Variants in CDYL observed in about 807,000 individuals in gnomAD.
CDYL encodes the protein chromodomain Y-like protein.
CDYL carries 8 observed loss-of-function variants against 47.3 expected under a neutral mutation model. The ratio of observed to expected loss-of-function variants is 0.17; its 90% confidence interval spans 0.10 to 0.31. The LOEUF (loss-of-function observed/expected upper bound fraction) is 0.31. CDYL is among the 10% of genes least tolerant of loss of function. The pLI is 1.00. For synonymous variants in CDYL, 266 were observed against 265.0 expected (o/e 1.00, Z -0.04); for missense variants, 471 against 701.4 (o/e 0.67, Z 3.71).
chr6:4,818,394 G>A (rs1253103617), intron 1 of CDYL, among the ~76,000 whole-genome samples: 2 of 152,186 alleles, frequency 1.3e-5, no homozygotes, highest in African/African-American at 4.8e-5. Context: ...TAAGCCTTTT[G>A]AAGGTGTTTG....
chr6:4,896,418 G>A (rs1762285454), intron 2 of CDYL, among the ~76,000 whole-genome samples: 1 of 152,116 alleles, frequency 6.6e-6, no homozygotes, highest in African/African-American at 2.4e-5. Context: ...CCGTGTAGTC[G>A]GTGCTCTGCA....
intron 1 of CDYL, among the ~76,000 whole-genome samples, chr6:4,712,420 C>T (rs567791262): frequency 9.0e-4 from 137 of 152,334 alleles, no homozygotes; most frequent in African/African-American, 2.7e-3. Flanking sequence ...CAGTGGCCAG[C>T]GGAGTGAGAA....
chr6:4,897,174 T>C (rs1027772614), intron 2 of CDYL, among the ~76,000 whole-genome samples: 11 of 152,372 alleles, frequency 7.2e-5, no homozygotes, highest in Middle Eastern at 3.4e-3. Flanking sequence ...ACTTTGTCCT[T>C]TCATGGATTC....
At chr6:4,757,769 G>A (rs557235829) in intron 3 of CDYL, among the ~76,000 whole-genome samples, 2 of 152,188 alleles carry the variant, frequency 1.3e-5, no homozygotes, top group Admixed American at 6.5e-5. Context: ...AGGTGTGGTA[G>A]TTCATGCCTG....
Position 4,776,689 on chromosome 6 carries a change from G to A in CDYL, c.-95G>A. The A allele has an allele frequency of 8.6e-7, 1 of 1,159,932 alleles. No homozygotes were observed. Among genetic ancestry groups the A allele is most frequent in the Non-Finnish European group, 1.1e-6 (1 of 892,312 alleles). The allele number at this position is 1,159,932 out of a possible 1,614,324, so 71.9% of individuals were successfully genotyped here. On this transcript the variant is annotated 5_prime_UTR_variant, in exon 1 of 7. Coordinates refer to ENST00000397588, the MANE Select transcript of CDYL (RefSeq NM_004824.4). ...GCCGGCCGCGGGAGCAGGAAGCGCAGGCCACGCAGGACCCAACTGAAACAA... is the reference window on the plus strand; with the variant it reads ...GCCGGCCGCGGGAGCAGGAAGCGCAAGCCACGCAGGACCCAACTGAAACAA...
chr6:4,852,421 C>G (rs182792820), intron 1 of CDYL, among the ~76,000 whole-genome samples: 1 of 129,096 alleles, frequency 7.7e-6, no homozygotes, highest in African/African-American at 3.1e-5. Context: ...TCCAATCTTC[C>G]TTCCTTCCTC....
At chr6:4,928,603 A>T (rs1034671270) in intron 2 of CDYL, 4 of 151,936 alleles carry the variant, frequency 2.6e-5, no homozygotes, top group African/African-American at 9.7e-5. Context: ...ATTTGTGTCT[A>T]GTCAGGGTTA....
At chr6:4,767,945 C>T (rs1412611123) in intron 3 of CDYL, among the ~76,000 whole-genome samples, 1 of 152,176 alleles carries the variant, frequency 6.6e-6, no homozygotes, top group Non-Finnish European at 1.5e-5. Flanking sequence ...ACCACTTTCT[C>T]TTCATAGAGC....
rs372736124 is a variant in CDYL at position 4,892,232 on chromosome 6, G to T, written c.544G>T (p.Ala182Ser). 18 of 1,614,126 alleles carry T rather than the reference G, an allele frequency of 1.1e-5. No individual in the cohort carries two copies. In the African/African-American group the frequency reaches 2.1e-4, roughly 19 times the overall value. The change falls in exon 2 of 7, where the codon GCA becomes TCA. Residue 182 changes from alanine to serine, a missense_variant. This residue lies in a region of CDYL where 311 missense variants were observed against 350.0 expected (regional missense o/e 0.89). Coordinates refer to ENST00000397588, the MANE Select transcript of CDYL (RefSeq NM_004824.4). ...GGAGGACACAGTGGCACCCGAAGTG[G>T]CAGCGGAAAAGCCGGTCGGAGCTTT... ...GQEDTVAPEV[A>S]AEKPVGALLG...
intron 1 of CDYL, among the ~76,000 whole-genome samples, chr6:4,840,378 T>C (rs962765898): frequency 4.6e-5 from 7 of 152,172 alleles, no homozygotes; most frequent in African/African-American, 1.7e-4. Context: ...TCCTCTTTAC[T>C]GATTTGGATG....
chr6:4,799,065 C>T (rs117646113), intron 1 of CDYL, among the ~76,000 whole-genome samples: 2,056 of 152,288 alleles, frequency 0.014, 112 homozygotes, highest in Admixed American at 0.098. Flanking sequence ...GCATATAGTG[C>T]TGTACATTTA....
At chr6:4,788,386 G>A (rs1758815303) in intron 1 of CDYL, among the ~76,000 whole-genome samples, 1 of 149,932 alleles carries the variant, frequency 6.7e-6, no homozygotes, top group Admixed American at 6.7e-5. Flanking sequence ...GGGAGGCTGA[G>A]GCAGGAGAAT....
chr6:4,946,139 G>A (rs1332215652), intron 5 of CDYL, among the ~76,000 whole-genome samples: 1 of 152,172 alleles, frequency 6.6e-6, no homozygotes, highest in Non-Finnish European at 1.5e-5. Context: ...AGACTGTGCT[G>A]TTGAGGCCCC....
At chr6:4,724,092 G>A (rs1467932815) in intron 2 of CDYL, among the ~76,000 whole-genome samples, 2 of 152,210 alleles carry the variant, frequency 1.3e-5, no homozygotes, top group African/African-American at 4.8e-5. Flanking sequence ...AGGCTCTGGA[G>A]TGCAGGGGCA....
intron 2 of CDYL, among the ~76,000 whole-genome samples, chr6:4,900,338 C>T (rs1001524135): frequency 6.6e-6 from 1 of 152,126 alleles, no homozygotes; most frequent in Non-Finnish European, 1.5e-5. Context: ...AGTTGCAAGA[C>T]CAGTACAAGA....
intron 1 of CDYL, among the ~76,000 whole-genome samples, chr6:4,784,039 G>A (rs1758688655): frequency 6.6e-6 from 1 of 151,946 alleles, no homozygotes; most frequent in Non-Finnish European, 1.5e-5. Flanking sequence ...CCTTGTTTGT[G>A]TTTTGTTTTC....
At chr6:4,925,529 C>T (rs1757845763) in intron 2 of CDYL, among the ~76,000 whole-genome samples, 1 of 150,594 alleles carries the variant, frequency 6.6e-6, no homozygotes, top group African/African-American at 2.4e-5. Flanking sequence ...CATTCTCCTG[C>T]CTCAGCCTCC....
At chr6:4,723,513 G>A (rs762391411) in intron 2 of CDYL, among the ~76,000 whole-genome samples, 2 of 152,162 alleles carry the variant, frequency 1.3e-5, no homozygotes, top group East Asian at 1.9e-4. Flanking sequence ...TCCTGGGCTA[G>A]CAAGAGTGGG....
At chr6:4,898,736 A>T (rs1762358295) in intron 2 of CDYL, among the ~76,000 whole-genome samples, 2 of 152,188 alleles carry the variant, frequency 1.3e-5, no homozygotes, top group African/African-American at 4.8e-5. Flanking sequence ...CGTAGAGAAG[A>T]TGCTCTTGTC....
Sources: allele counts gnomAD v4.1 joint callset (sites outside exome capture counted in the v4.1 genomes callset), GRCh38; gene constraint gnomAD v4.1.1; regional missense constraint gnomAD v4.1.1; transcripts MANE v1.5; gene names NCBI Gene and HGNC (gene_info 2026-07-23, HGNC 2026-07-21).